Variants in SIK3 observed in about 807,000 individuals in gnomAD.
The protein encoded by SIK3 is SIK family kinase 3.
In SIK3, 28 loss-of-function variants were observed where a neutral mutation model predicts 144.2. That is an observed-to-expected ratio of 0.19 (90% confidence interval 0.14 to 0.27). The LOEUF is 0.27. SIK3 is among the 10% of genes least tolerant of loss of function. The pLI is 1.00. For synonymous variants in SIK3, 686 were observed against 676.3 expected (o/e 1.01, Z -0.22); for missense variants, 1,319 against 1,776.0 (o/e 0.74, Z 4.62).
intron 11 of SIK3, 59 bp downstream of exon 11, chr11:116,875,099 A>C (rs1944177301): frequency 1.5e-6 from 2 of 1,370,580 alleles, no homozygotes; most frequent in African/African-American, 2.8e-5. Flanking sequence ...GTAGACACTG[A>C]AAGTCAGGTG....
chr11:116,848,972 A>G, intron 22 of SIK3, 148 bp downstream of exon 22: 1 of 968,652 alleles, frequency 1.0e-6, no homozygotes. Context: ...CAAAAAAGAA[A>G]AAAAAAGAAA....
intron 1 of SIK3, among the ~76,000 whole-genome samples, chr11:116,961,506 T>C (rs1949347093): frequency 6.6e-6 from 1 of 152,286 alleles, no homozygotes; most frequent in Admixed American, 6.5e-5. Flanking sequence ...TACACACCAG[T>C]TGCTTGAAAA....
intron 1 of SIK3, among the ~76,000 whole-genome samples, chr11:117,052,729 A>C (rs1953317615): frequency 6.6e-6 from 1 of 152,222 alleles, no homozygotes; most frequent in African/African-American, 2.4e-5. Context: ...CAATGACTAC[A>C]TGCTGTCAGT....
chr11:116,858,245 C>T lies in SIK3; in HGVS notation c.3220G>A (p.Asp1074Asn). 1 of 1,614,034 alleles carries T rather than the reference C, an allele frequency of 6.2e-7. No individual in the cohort carries two copies. The highest frequency in any genetic ancestry group is 8.5e-7 in the Non-Finnish European group (1 of 1,179,938). Residue 1074 changes from aspartate (D) to asparagine (N), a missense_variant, in exon 21 of 25, where the codon GAT becomes AAT. Asp to Asn is a conservative substitution (Grantham distance 23). Around this residue, in one of 8 missense-constraint regions of SIK3, gnomAD observed 646 missense variants for 763.7 expected, o/e 0.85. Coordinates refer to ENST00000445177, the MANE Select transcript of SIK3 (RefSeq NM_001366686.3). The surrounding 1 kb of genome is among the most constrained non-coding windows in gnomAD (Gnocchi z 5.4). The stretch of plus-strand genomic sequence containing the variant: ...AGGCTGGGAGCCAGACTCCCCGCAT[C>T]CCCTTGGTTCATGTGCCTGAACAGT... ...QELFRHMNQG[D>N]AGSLAPSLGG...
At chr11:116,935,123 T>C (rs1947842185) in intron 3 of SIK3, among the ~76,000 whole-genome samples, 1 of 151,398 alleles carries the variant, frequency 6.6e-6, no homozygotes. Context: ...CATGGTGGTA[T>C]GCACCTGGTA....
Position 117,027,697 on chromosome 11 carries a change from C to T in SIK3, c.273+70446G>A, listed in dbSNP as rs143648018. 4.7e-4 allele frequency among the ~76,000 whole-genome samples: 72 copies of T among 152,038 alleles called. No homozygotes were observed. In the East Asian group the frequency reaches 0.012, roughly 26 times the overall value. On this transcript the variant is annotated intron_variant, in intron 1 of 24. Transcript: ENST00000445177. ...GGCCAGGCTGGTCCTGAACTCCTGA[C>T]CTCAGGTGATCCACCTGCCTCAGCC...
intron 1 of SIK3, among the ~76,000 whole-genome samples, chr11:116,974,812 C>T (rs1047640573): frequency 1.3e-5 from 2 of 152,112 alleles, no homozygotes; most frequent in African/African-American, 4.8e-5. Context: ...GCTGGGAAAT[C>T]GGTTTTCTCA....
chr11:117,000,077 G>A (rs1050997337), intron 1 of SIK3, among the ~76,000 whole-genome samples: 2 of 152,148 alleles, frequency 1.3e-5, no homozygotes, highest in African/African-American at 4.8e-5. Context: ...TATTAGATAT[G>A]TATATTAGAT....
At chr11:116,945,346 T>C (rs1948530894) in intron 3 of SIK3, among the ~76,000 whole-genome samples, 1 of 151,438 alleles carries the variant, frequency 6.6e-6, no homozygotes, top group South Asian at 2.1e-4. Context: ...ACACTTGCTT[T>C]TCAACTTCAT....
intron 1 of SIK3, among the ~76,000 whole-genome samples, chr11:117,040,403 G>A (rs146475054): frequency 2.2e-4 from 33 of 152,244 alleles, no homozygotes; most frequent in African/African-American, 7.5e-4. Flanking sequence ...AATGTTACTA[G>A]GCAATAGCTA....
chr11:116,859,209 C>A (rs893193861), intron 20 of SIK3, 56 bp downstream of exon 20: 3 of 1,510,492 alleles, frequency 2.0e-6, no homozygotes, highest in African/African-American at 2.7e-5. Context: ...TGCTAAGGGG[C>A]TTCCTCCCAC....
chr11:117,025,451 A>AT (rs59365543), intron 1 of SIK3, among the ~76,000 whole-genome samples: 5,300 of 148,014 alleles, frequency 0.036, 118 homozygotes, highest in South Asian at 0.11. Context: ...GCCCAATACA[A>AT]TTTTTTTTTT....
intron 1 of SIK3, among the ~76,000 whole-genome samples, chr11:116,977,457 T>G (rs1001632931): frequency 1.3e-5 from 2 of 152,146 alleles, no homozygotes; most frequent in Admixed American, 6.5e-5. Context: ...CCCAAAAATC[T>G]CTGCTTTTTA....
intron 1 of SIK3, among the ~76,000 whole-genome samples, chr11:116,998,028 T>C (rs960144615): frequency 6.6e-6 from 1 of 152,116 alleles, no homozygotes; most frequent in African/African-American, 2.4e-5. Context: ...TAATTCTTTT[T>C]ATTTTTATAA....
At chr11:116,890,546 CAT>C (rs1945045559) in intron 6 of SIK3, among the ~76,000 whole-genome samples, 1 of 152,158 alleles carries the variant, frequency 6.6e-6, no homozygotes, top group South Asian at 2.1e-4. Flanking sequence ...GTGAAAAAGA[CAT>C]GTTTCGTCTG....
intron 2 of SIK3, among the ~76,000 whole-genome samples, chr11:116,955,305 G>A (rs1407035996): frequency 6.6e-6 from 1 of 152,200 alleles, no homozygotes; most frequent in Non-Finnish European, 1.5e-5. Flanking sequence ...GGCTGAGGCA[G>A]TAGAATCACT....
intron 21 of SIK3, among the ~76,000 whole-genome samples, chr11:116,854,857 G>A (rs768763695): frequency 3.6e-4 from 55 of 151,958 alleles, no homozygotes; most frequent in African/African-American, 1.1e-3. Flanking sequence ...TTGTGAGGCC[G>A]AGGTGGTTGG....
intron 3 of SIK3, among the ~76,000 whole-genome samples, chr11:116,947,170 T>TAATATATAA (rs1948659548): frequency 1.7e-5 from 2 of 116,622 alleles, no homozygotes; most frequent in African/African-American, 8.8e-5. Context: ...ATATATAAAT[T>TAATATATAA]ATTATTTATA....
chr11:116,853,413 T>C (rs1942621132), intron 21 of SIK3, among the ~76,000 whole-genome samples: 1 of 152,242 alleles, frequency 6.6e-6, no homozygotes, highest in African/African-American at 2.4e-5. Flanking sequence ...CATGCTCGAA[T>C]ATTTATCAAA....
Sources: allele counts gnomAD v4.1 joint callset (sites outside exome capture counted in the v4.1 genomes callset), GRCh38; gene constraint gnomAD v4.1.1; regional missense constraint gnomAD v4.1.1; non-coding constraint Gnocchi (gnomAD v3.1); transcripts MANE v1.5; gene names NCBI Gene and HGNC (gene_info 2026-07-23, HGNC 2026-07-21).